TRIOBP: variants seen among roughly 807,000 people sequenced by gnomAD.
TRIOBP encodes TRIO and F-actin-binding protein.
TRIOBP carries 169 observed loss-of-function variants against 238.8 expected under a neutral mutation model. The observed-to-expected ratio is 0.71, with a 90% confidence interval of 0.62 to 0.80. The LOEUF (loss-of-function observed/expected upper bound fraction) is 0.80. Ranked by LOEUF, TRIOBP falls within the 30% of genes least tolerant of loss-of-function variation. The probability of loss-of-function intolerance (pLI) is 0.00; values close to 1 mark genes in which losing one functional copy is unlikely to be tolerated. For missense variants in TRIOBP, 2,838 were observed against 3,122.6 expected, an observed-to-expected ratio of 0.91 and a Z score of 2.17; for synonymous variants, 1,150 against 1,274.4, an observed-to-expected ratio of 0.90 and a Z score of 2.08.
At position 37,715,864 on chromosome 22, in the gene TRIOBP, C is replaced by G. The variant is rs1387764899; in HGVS notation, c.558C>G (p.Ser186Arg). The change falls in exon 6 of 24, where the codon AGC becomes AGG. Residue 186 changes from serine (S) to arginine (R), a missense_variant. Physicochemically the swap from Ser to Arg is moderately radical, Grantham distance 110. Around this residue, in one of 5 missense-constraint regions of TRIOBP, gnomAD observed 535 missense variants for 537.3 expected, o/e 1.00. Coordinates refer to ENST00000644935, the MANE Select transcript of TRIOBP (RefSeq NM_001039141.3). ...RRPREGPRAD[S>R]SQRAPSLLTR... ...CTCGGGAGGGGCCGAGAGCTGACAG[C>G]TCCCAAAGGGCTCCGTCTCTCCTCA... 1 of 1,613,814 alleles carries G rather than the reference C, an allele frequency of 6.2e-7. No homozygotes were observed. Among genetic ancestry groups the G allele is most frequent in the Non-Finnish European group, 8.5e-7 (1 of 1,179,966 alleles).
At chr22:37,709,151 C>T (rs1923104048) in intron 3 of TRIOBP, among the ~76,000 whole-genome samples, 1 of 152,208 alleles carries the variant, frequency 6.6e-6, no homozygotes, top group Admixed American at 6.5e-5. Context: ...GATGTCACGG[C>T]AGACATCCCA....
At chr22:37,720,063 A>G (rs1923751339) in intron 6 of TRIOBP, among the ~76,000 whole-genome samples, 1 of 114,494 alleles carries the variant, frequency 8.7e-6, no homozygotes. Flanking sequence ...AGGCTGGAGT[A>G]CAATGGCGCA....
chr22:37,731,105 T>C (rs1924399573), intron 7 of TRIOBP, among the ~76,000 whole-genome samples: 1 of 152,194 alleles, frequency 6.6e-6, no homozygotes, highest in South Asian at 2.1e-4. Flanking sequence ...TCTAATGACA[T>C]TGGCAAAAGA....
At chr22:37,753,526 T>C (rs1450268877) in intron 12 of TRIOBP, among the ~76,000 whole-genome samples, 1 of 152,184 alleles carries the variant, frequency 6.6e-6, no homozygotes, top group South Asian at 2.1e-4. Flanking sequence ...TGATCCACCC[T>C]TCTCAGCCTC....
intron 6 of TRIOBP, among the ~76,000 whole-genome samples, chr22:37,722,385 G>A (rs1229904363): frequency 1.4e-5 from 2 of 147,598 alleles, no homozygotes. Flanking sequence ...CCGAGATCGC[G>A]TCATTGCACT....
chr22:37,766,267 T>G (rs1926490629), intron 18 of TRIOBP, among the ~76,000 whole-genome samples: 1 of 152,208 alleles, frequency 6.6e-6, no homozygotes, highest in Non-Finnish European at 1.5e-5. Context: ...GGGCCCCACA[T>G]GTTTCCCACA....
chr22:37,748,543 G>A (rs1925402763), intron 11 of TRIOBP, among the ~76,000 whole-genome samples: 1 of 151,894 alleles, frequency 6.6e-6, no homozygotes, highest in Admixed American at 6.6e-5. Context: ...CTTGGTCACA[G>A]CTAATTTCCT....
At chr22:37,748,684 G>C (rs1011966187) in intron 11 of TRIOBP, among the ~76,000 whole-genome samples, 1 of 152,168 alleles carries the variant, frequency 6.6e-6, no homozygotes, top group African/African-American at 2.4e-5. Flanking sequence ...ATCTAATCTA[G>C]CCTGTGAAGG....
At chr22:37,773,474 C>T (rs1926885168) in intron 23 of TRIOBP, among the ~76,000 whole-genome samples, 1 of 152,168 alleles carries the variant, frequency 6.6e-6, no homozygotes, top group Admixed American at 6.5e-5. Flanking sequence ...CCTGCCTCAG[C>T]CTCCCAAAAT....
chr22:37,769,520 T>C, intron 21 of TRIOBP, 145 bp downstream of exon 21: 1 of 784,822 alleles, frequency 1.3e-6, no homozygotes, highest in South Asian at 1.5e-5. Context: ...CTAGAACACC[T>C]ACTGTGCATC....
intron 1 of TRIOBP, among the ~76,000 whole-genome samples, 189 bp from the exon 2 acceptor site, chr22:37,697,399 C>G (rs1922404366): frequency 6.6e-6 from 1 of 152,102 alleles, no homozygotes; most frequent in Non-Finnish European, 1.5e-5. Flanking sequence ...AGGCGACGCT[C>G]CTTTATGTGG....
intron 6 of TRIOBP, among the ~76,000 whole-genome samples, chr22:37,717,188 G>A (rs1314623558): frequency 1.3e-5 from 2 of 152,078 alleles, no homozygotes; most frequent in Non-Finnish European, 2.9e-5. Context: ...TTAAGGAGAC[G>A]CGTCCGCAGT....
chr22:37,740,920 A>C lies in TRIOBP; in HGVS notation c.5210A>C (p.Lys1737Thr), dbSNP rs1261515773. 4 of 1,574,442 alleles carry C rather than the reference A, an allele frequency of 2.5e-6. No individual in the cohort carries two copies. Among genetic ancestry groups the C allele is most frequent in the Non-Finnish European group, 3.4e-6 (4 of 1,159,994 alleles). Reference sequence around the variant, plus strand: ...GCAGACAAGAGGCCAGCAGAGGGCAAGGCTGGGAGCCCGCTCAAGGGCCGA... The same window carrying C: ...GCAGACAAGAGGCCAGCAGAGGGCACGGCTGGGAGCCCGCTCAAGGGCCGA... ...DSADKRPAEGKAGSPLKGRLV... is the reference protein window; with the variant it reads ...DSADKRPAEGTAGSPLKGRLV... The change falls in exon 11 of 24, where the codon AAG (lysine) becomes ACG (threonine). Residue 1737 changes from lysine (K) to threonine (T), a missense_variant. Coordinates refer to ENST00000644935, the MANE Select transcript of TRIOBP (RefSeq NM_001039141.3).
intron 6 of TRIOBP, 117 bp from the exon 7 acceptor site, chr22:37,723,068 G>A: frequency 1.0e-6 from 1 of 989,480 alleles, no homozygotes; most frequent in East Asian, 2.6e-5. Context: ...AGTGAGACCT[G>A]TAGGAGGAGG....
intron 18 of TRIOBP, among the ~76,000 whole-genome samples, chr22:37,766,321 G>A (rs974216074): frequency 3.3e-5 from 5 of 151,980 alleles, no homozygotes; most frequent in African/African-American, 7.3e-5. Context: ...TCCTGCCACC[G>A]CACACCTGCT....
chr22:37,725,882 C>G lies in TRIOBP; in HGVS notation c.3326C>G (p.Pro1109Arg). 6.2e-7 allele frequency: 1 copy of G among 1,613,628 alleles called. No individual in the cohort carries two copies. The highest frequency in any genetic ancestry group is 1.1e-5 in the South Asian group (1 of 91,038). ...CCCCAACACGAGCCCCTTCAGCTCC[C>G]TGCACCTGTGTGTATTGGGTACCGA... is the stretch of plus-strand genomic sequence containing the variant. ...QSPQHEPLQL[P>R]APVCIGYRDA... Residue 1109 changes from proline (P) to arginine (R), a missense_variant, in exon 7 of 24, where the codon CCT becomes CGT. Physicochemically the swap from Pro to Arg is moderately radical, Grantham distance 103 (BLOSUM62 -2). Transcript: ENST00000644935.
intron 12 of TRIOBP, among the ~76,000 whole-genome samples, chr22:37,753,063 T>G (rs550068948): frequency 7.9e-4 from 120 of 152,230 alleles, no homozygotes; most frequent in Middle Eastern, 3.4e-3. Flanking sequence ...CCTGTCCTAC[T>G]TTACAGAGAG....
chr22:37,726,284 C>T lies in TRIOBP; in HGVS notation c.3728C>T (p.Ser1243Leu). 1.2e-6 allele frequency: 2 copies of T among 1,613,056 alleles called. No individual in the cohort carries two copies. The highest frequency in any genetic ancestry group is 2.2e-5 in the South Asian group (2 of 91,046). ...AGTGACCTAGCGTTCCTGGCACCCTCACCTTCACCGGGCAGCTCTGGGGGC... is the reference window on the plus strand; with the variant it reads ...AGTGACCTAGCGTTCCTGGCACCCTTACCTTCACCGGGCAGCTCTGGGGGC... ...PPSDLAFLAP[S>L]PSPGSSGGSR... is the part of the protein sequence containing the mutation. Residue 1243 changes from serine to leucine, a missense_variant, in exon 7 of 24, where the codon TCA (serine) becomes TTA (leucine). By Grantham distance (145) the Ser-to-Leu change is moderately radical. Transcript: ENST00000644935.
In TRIOBP at chr22:37,712,144, A is replaced by G. The variant is rs149544413; in HGVS notation, c.255-1066A>G. Among the ~76,000 whole-genome samples, 531 of 150,580 alleles carry G rather than the reference A, an allele frequency of 3.5e-3. 2 individuals carry two copies. Among genetic ancestry groups the G allele is most frequent in the African/African-American group, 0.012 (504 of 40,994 alleles). On this transcript the variant is annotated intron_variant, in intron 4 of 23. Transcript: ENST00000644935. ...CTCGGTGACCTTGGCCAGTCTCTTG[A>G]CCTCTCTGAGCCTCAGTGTCTTCCT... is the stretch of plus-strand genomic sequence containing the variant.
Sources: allele counts gnomAD v4.1 joint callset (sites outside exome capture counted in the v4.1 genomes callset), GRCh38; gene constraint gnomAD v4.1.1; regional missense constraint gnomAD v4.1.1; transcripts MANE v1.5; gene names NCBI Gene and HGNC (gene_info 2026-07-23, HGNC 2026-07-21).